Variants in CCNH observed in about 807,000 individuals in gnomAD.
CCNH encodes cyclin H.
CCNH carries 31 observed loss-of-function variants against 41.9 expected under a neutral mutation model. The observed-to-expected ratio is 0.74, with a 90% confidence interval of 0.56 to 1.00. The LOEUF is 1.00. Ranked by LOEUF, CCNH falls within the 50% of genes least tolerant of loss-of-function variation. The probability of loss-of-function intolerance (pLI) is 0.00; values close to 1 mark genes in which losing one functional copy is unlikely to be tolerated. For missense variants in CCNH, 362 were observed against 388.4 expected, an observed-to-expected ratio of 0.93 and a Z score of 0.57; for synonymous variants, 138 against 136.1, an observed-to-expected ratio of 1.01 and a Z score of -0.10.
At chr5:87,351,142 G>T (rs1759237698) in intron 9 of CCNH, among the ~76,000 whole-genome samples, 1 of 151,064 alleles carries the variant, frequency 6.6e-6, no homozygotes, top group Non-Finnish European at 1.5e-5. Context: ...TTTAGAAACT[G>T]TTAAGACATA....
intron 9 of CCNH, among the ~76,000 whole-genome samples, chr5:87,347,679 T>G (rs1758959793): frequency 6.6e-6 from 1 of 152,018 alleles, no homozygotes; most frequent in Admixed American, 6.6e-5. Context: ...AGTACTCAAT[T>G]TTATTGTGAA....
exon 1 of CCNH, chr5:87,376,770 G>A (rs892574549): frequency 1.6e-6 from 2 of 1,244,944 alleles, no homozygotes; most frequent in African/African-American, 1.5e-5. Flanking sequence ...TTATTCAATG[G>A]GACATCATTT....
intron 5 of CCNH, among the ~76,000 whole-genome samples, chr5:87,402,201 A>G (rs938145171): frequency 6.6e-6 from 1 of 152,220 alleles, no homozygotes; most frequent in Admixed American, 6.5e-5. Flanking sequence ...AGGATTCTCT[A>G]TTCCCTTAAT....
chr5:87,399,558 T>C (rs781696314), intron 6 of CCNH, 53 bp from the exon 7 acceptor site: 21 of 1,128,650 alleles, frequency 1.9e-5, no homozygotes, highest in South Asian at 2.5e-5. Context: ...CTCCTTCTCA[T>C]AGTAAGGGAG....
intron 2 of CCNH, 141 bp downstream of exon 2, chr5:87,411,083 T>G (rs771817436): frequency 2.6e-6 from 2 of 775,130 alleles, no homozygotes; most frequent in Non-Finnish European, 3.9e-6. Context: ...AGGCCTGTAT[T>G]GAAAAATATA....
chr5:87,374,926 TAC>T, downstream of CCNH: 1 of 1,601,044 alleles, frequency 6.2e-7, no homozygotes, highest in South Asian at 1.1e-5. Flanking sequence ...TGTAAGTTGA[TAC>T]AGAAACTTTC....
intron 3 of CCNH, among the ~76,000 whole-genome samples, chr5:87,408,552 C>T (rs1763974969): frequency 6.6e-6 from 1 of 152,136 alleles, no homozygotes. Context: ...GCAGTACCCA[C>T]ATATGTACCA....
At chr5:87,347,201 ATT>A (rs1198832363) in intron 9 of CCNH, among the ~76,000 whole-genome samples, 2 of 151,872 alleles carry the variant, frequency 1.3e-5, no homozygotes, top group African/African-American at 2.4e-5. Flanking sequence ...ACGATATTGT[ATT>A]GTTTTTATTC....
chr5:87,316,965 C>G (rs1240346037), downstream of CCNH, among the ~76,000 whole-genome samples: 1 of 152,006 alleles, frequency 6.6e-6, no homozygotes, highest in East Asian at 1.9e-4. Flanking sequence ...TTACTGCAAC[C>G]TCTACCTCCT....
chr5:87,348,533 A>G (rs537839680), intron 9 of CCNH, among the ~76,000 whole-genome samples: 1 of 152,178 alleles, frequency 6.6e-6, no homozygotes, highest in South Asian at 2.1e-4. Flanking sequence ...AATAAAATAT[A>G]GTGTATGTGT....
chr5:87,353,054 A>T (rs903571588), intron 9 of CCNH: 1 of 814,912 alleles, frequency 1.2e-6, no homozygotes, highest in South Asian at 1.5e-5. Flanking sequence ...CTTTGAAAAA[A>T]ATTTGCTAAT....
intron 1 of CCNH, chr5:87,412,294 C>G: frequency 4.0e-6 from 2 of 499,350 alleles, no homozygotes; most frequent in Non-Finnish European, 5.5e-6. Flanking sequence ...TGACCTCCCT[C>G]CCACTCTGAA....
chr5:87,334,241 A>G (rs533238179), intron 9 of CCNH, among the ~76,000 whole-genome samples: 76 of 152,188 alleles, frequency 5.0e-4, no homozygotes, highest in Non-Finnish European at 8.8e-4. Context: ...AGGGGAGCCT[A>G]TGGTGTAAAT....
intron 9 of CCNH, among the ~76,000 whole-genome samples, chr5:87,385,076 A>AGCACT (rs1321406210): frequency 6.6e-6 from 1 of 152,120 alleles, no homozygotes; most frequent in Non-Finnish European, 1.5e-5. Context: ...CAAGCCTAGA[A>AGCACT]GCACTGATAA....
At chr5:87,353,172 A>T in intron 9 of CCNH, 1 of 1,610,126 alleles carries the variant, frequency 6.2e-7, no homozygotes, top group Middle Eastern at 1.7e-4. Context: ...GGGACATCAT[A>T]GATCACTATC....
At chr5:87,331,639 A>G in intron 9 of CCNH, 1 of 1,006,372 alleles carries the variant, frequency 9.9e-7, no homozygotes, top group Non-Finnish European at 1.5e-6. Flanking sequence ...AAATGATTTA[A>G]TCAGTGATTT....
chr5:87,398,125 G>A (rs1763105846), intron 7 of CCNH, among the ~76,000 whole-genome samples: 1 of 152,186 alleles, frequency 6.6e-6, no homozygotes, highest in South Asian at 2.1e-4. Flanking sequence ...TGTTACCACT[G>A]AAACCGAGGA....
In CCNH at chr5:87,408,159, TTTGCAGGCC is replaced by T; in HGVS notation, c.333_341del (p.Ala112_Lys114del). The stretch of plus-strand genomic sequence containing the variant: ...GACTAGATACATTGAATTCATCTAC[TTTGCAGGCC>T]AAAAATGCACAAGTGAGCCTAGAGG... On this transcript the variant is annotated inframe_deletion, in exon 4 of 9. Coordinates refer to ENST00000256897, the MANE Select transcript of CCNH (RefSeq NM_001239.4). 6.2e-7 allele frequency: 1 copy of T among 1,605,114 alleles called. No homozygotes were observed. The highest frequency in any genetic ancestry group is 1.7e-5 in the Admixed American group (1 of 59,364).
chr5:87,339,290 C>G (rs1362287490), intron 9 of CCNH, among the ~76,000 whole-genome samples: 1 of 152,072 alleles, frequency 6.6e-6, no homozygotes, highest in African/African-American at 2.4e-5. Context: ...TGATACAGTC[C>G]ATACTCATAG....
Sources: gnomAD v4.1 joint callset for allele counts (sites outside exome capture counted in the v4.1 genomes callset) on GRCh38, gnomAD v4.1.1 for gene constraint, MANE v1.5 for transcripts, NCBI Gene and HGNC (gene_info 2026-07-23, HGNC 2026-07-21) for gene names.